Variants in LCA5L observed in about 807,000 individuals in gnomAD.
LCA5L encodes the protein lebercilin LCA5 like, also known as lebercilin-like protein.
In LCA5L, 35 loss-of-function variants were observed where a neutral mutation model predicts 45.4. The ratio of observed to expected loss-of-function variants is 0.77; its 90% CI spans 0.59 to 1.02. LCA5L has a LOEUF of 1.02. Ranked by LOEUF, LCA5L falls within the 50% of genes least tolerant of loss-of-function variation. LCA5L has a pLI of 0.00. For synonymous variants in LCA5L, 233 were observed against 264.7 expected (o/e 0.88, Z 1.16); for missense variants, 668 against 761.6 (o/e 0.88, Z 1.45).
At chr21:39,414,713 CCTCTCTCTCTCTCTCT>C (rs147915021) in intron 7 of LCA5L, among the ~76,000 whole-genome samples, 1 of 119,958 alleles carries the variant, frequency 8.3e-6, no homozygotes, top group South Asian at 3.1e-4. Flanking sequence ...TGGTTCTCTC[CCTCTCTCTCTCTCTCT>C]CTCTCTCTCT....
chr21:39,410,879 A>T (rs1363651796), intron 8 of LCA5L: 1 of 471,058 alleles, frequency 2.1e-6, no homozygotes, highest in Non-Finnish European at 4.4e-6. Flanking sequence ...CAGGCAAGGA[A>T]ATTTGAGGTT....
At chr21:39,417,211 T>C (rs985950303) in intron 7 of LCA5L, among the ~76,000 whole-genome samples, 1 of 152,064 alleles carries the variant, frequency 6.6e-6, no homozygotes, top group Non-Finnish European at 1.5e-5. Flanking sequence ...TTTTTTATTT[T>C]TGTATTTTTG....
chr21:39,420,967 T>C (rs1462064664), intron 6 of LCA5L, 124 bp from the exon 7 acceptor site: 1 of 647,568 alleles, frequency 1.5e-6, no homozygotes, highest in Non-Finnish European at 2.5e-6. Context: ...GTGAATGACT[T>C]ATACAGGGGA....
intron 3 of LCA5L, among the ~76,000 whole-genome samples, chr21:39,431,980 G>A (rs2075782347): frequency 6.6e-6 from 1 of 152,122 alleles, no homozygotes; most frequent in Non-Finnish European, 1.5e-5. Flanking sequence ...TGTGTTCACC[G>A]ATTTGTCTTA....
At chr21:39,434,425 TTCTC>T (rs1351489170) in intron 3 of LCA5L, among the ~76,000 whole-genome samples, 1 of 152,212 alleles carries the variant, frequency 6.6e-6, no homozygotes, top group African/African-American at 2.4e-5. Flanking sequence ...TACACTACAC[TTCTC>T]TATTGTTATC....
chr21:39,432,354 A>G (rs1047922263), intron 3 of LCA5L, among the ~76,000 whole-genome samples: 2 of 152,228 alleles, frequency 1.3e-5, no homozygotes, highest in African/African-American at 2.4e-5. Context: ...CCAGATGATA[A>G]TAACACTTAA....
At chr21:39,410,607 T>C (rs1033293997) in intron 8 of LCA5L, among the ~76,000 whole-genome samples, 17 of 152,118 alleles carry the variant, frequency 1.1e-4, no homozygotes, top group African/African-American at 3.6e-4. Flanking sequence ...GGATAAGACA[T>C]TGTTGCTGTT....
chr21:39,438,853 T>C (rs950482821), intron 2 of LCA5L: 1 of 151,756 alleles, frequency 6.6e-6, no homozygotes, highest in South Asian at 2.1e-4. Flanking sequence ...TTCTCTAAGA[T>C]ACGTTCATTT....
At chr21:39,421,914 GTATAGA>G (rs2094364197) in intron 6 of LCA5L, 1 of 152,132 alleles carries the variant, frequency 6.6e-6, no homozygotes, top group Non-Finnish European at 1.5e-5. Flanking sequence ...TTGGTTTTAT[GTATAGA>G]TATAAAAACA....
intron 3 of LCA5L, among the ~76,000 whole-genome samples, chr21:39,431,623 T>C (rs1459644919): frequency 6.6e-6 from 1 of 152,086 alleles, no homozygotes; most frequent in African/African-American, 2.4e-5. Context: ...GTTCAAGCGA[T>C]TCTCCTGCCT....
chr21:39,438,160 A>G lies in LCA5L; in HGVS notation c.-245-2587T>C, dbSNP rs147639980. Among the ~76,000 whole-genome samples, 145 of 152,358 alleles carry G rather than the reference A, an allele frequency of 9.5e-4. 2 individuals carry two copies. The Middle Eastern group carries it at 0.01, about 11-fold the overall frequency. On this transcript the variant is annotated intron_variant, in intron 2 of 10. Coordinates refer to ENST00000288350, the MANE Select transcript of LCA5L (RefSeq NM_152505.4). ...AATAGCCTGATACTAATGCTTTGAC[A>G]GAACAATATTCTGGAATAAAGAGTT...
At chr21:39,406,688 A>T in intron 10 of LCA5L, 76 bp from the exon 11 acceptor site, 2 of 1,093,430 alleles carry the variant, frequency 1.8e-6, no homozygotes, top group Non-Finnish European at 2.7e-6. Flanking sequence ...TGTCTAGTAC[A>T]CTTACGTGCA....
intron 7 of LCA5L, among the ~76,000 whole-genome samples, chr21:39,420,471 C>T (rs944574816): frequency 8.2e-6 from 1 of 122,336 alleles, no homozygotes; most frequent in Non-Finnish European, 1.6e-5. Flanking sequence ...TGCAGTGAGC[C>T]GAGATCATGC....
intron 2 of LCA5L, among the ~76,000 whole-genome samples, chr21:39,440,436 TAC>T (rs1372831040): frequency 6.6e-6 from 1 of 152,104 alleles, no homozygotes; most frequent in Non-Finnish European, 1.5e-5. Flanking sequence ...GGTGTGGTGG[TAC>T]ACACCTATGG....
chr21:39,428,389 T>C lies in LCA5L; in HGVS notation c.105A>G (p.Thr35=). The part of the protein sequence containing the change: ...RSAACKRSPG[T]GDFSRNSNAS... ...CATTACTGTTCCGTGAAAAATCGCC[T>C]GTGCCTGGGCTTCTCTTGCATGCTG... The change falls in exon 5 of 11, where the codon ACA becomes ACG. Residue 35 remains threonine, a synonymous_variant. Transcript: ENST00000288350. 6.2e-7 allele frequency: 1 copy of C among 1,613,220 alleles called. No individual in the cohort carries two copies. The highest frequency in any genetic ancestry group is 2.2e-5 in the East Asian group (1 of 44,852).
At chr21:39,445,468 C>T (rs550255582) in intron 1 of LCA5L, 1 of 152,482 alleles carries the variant, frequency 6.6e-6, no homozygotes, top group South Asian at 2.1e-4. Flanking sequence ...AGGCCGTCCC[C>T]CTGCCCAGCG....
chr21:39,434,536 G>C (rs1189990993), intron 3 of LCA5L, among the ~76,000 whole-genome samples: 1 of 152,050 alleles, frequency 6.6e-6, no homozygotes, highest in Non-Finnish European at 1.5e-5. Flanking sequence ...TCTTTCTTTT[G>C]AGACGGGGTC....
chr21:39,414,734 C>CTGTGTGTGTGTGTGTG (rs1446676855), intron 7 of LCA5L, among the ~76,000 whole-genome samples: 27 of 103,250 alleles, frequency 2.6e-4, no homozygotes, highest in African/African-American at 1.1e-3. Context: ...CTCTCTCTCT[C>CTGTGTGTGTGTGTGTG]TCTCTCTCTG....
chr21:39,433,847 C>T (rs2076019626), intron 3 of LCA5L, among the ~76,000 whole-genome samples: 1 of 151,128 alleles, frequency 6.6e-6, no homozygotes, highest in Non-Finnish European at 1.5e-5. Context: ...TCACTGCAAC[C>T]TCCACCTCCT....
Sources: gnomAD v4.1 joint callset for allele counts (sites outside exome capture counted in the v4.1 genomes callset) on GRCh38, gnomAD v4.1.1 for gene constraint, MANE v1.5 for transcripts, NCBI Gene and HGNC (gene_info 2026-07-23, HGNC 2026-07-21) for gene names.